CACNA2D3: variants seen among roughly 807,000 people sequenced by gnomAD.
CACNA2D3 encodes calcium voltage-gated channel auxiliary subunit alpha2delta 3, also known as voltage-dependent calcium channel subunit alpha-2/delta-3.
In CACNA2D3, 60 loss-of-function variants were observed where a neutral mutation model predicts 160.6. The observed-to-expected ratio is 0.37, with a 90% confidence interval of 0.30 to 0.46. The LOEUF (loss-of-function observed/expected upper bound fraction) is 0.46, where lower values mean the gene tolerates loss of function less well. CACNA2D3 is among the 20% of genes least tolerant of loss of function. The probability of loss-of-function intolerance (pLI) is 1.00; values close to 1 mark genes in which losing one functional copy is unlikely to be tolerated. For synonymous variants in CACNA2D3, 558 were observed against 492.9 expected (o/e 1.13, Z -1.75); for missense variants, 1,205 against 1,365.0 (o/e 0.88, Z 1.85).
At chr3:54,382,684 T>A (rs1699123046) in intron 3 of CACNA2D3, among the ~76,000 whole-genome samples, 1 of 152,178 alleles carries the variant, frequency 6.6e-6, no homozygotes, top group Non-Finnish European at 1.5e-5. Context: ...CTCAGGAGGC[T>A]GAGGCAGGAG....
chr3:54,495,866 T>C (rs1701194754), intron 4 of CACNA2D3, among the ~76,000 whole-genome samples: 1 of 152,244 alleles, frequency 6.6e-6, no homozygotes, highest in Non-Finnish European at 1.5e-5. Flanking sequence ...GCCATCACTA[T>C]TGAATAATAA....
rs188375155 is a variant in CACNA2D3 at position 54,922,666 on chromosome 3, A to C, written c.2449+22798A>C. 1.6e-4 allele frequency among the ~76,000 whole-genome samples: 25 copies of C among 152,234 alleles called. No homozygotes were observed. In the East Asian group the frequency reaches 4.8e-3, roughly 29 times the overall value. ...CATGCAGACACTGTTGACTTCCCTAATTCATGTCTGTAGCTCCAACATCTT... is the reference window on the plus strand; with the variant it reads ...CATGCAGACACTGTTGACTTCCCTACTTCATGTCTGTAGCTCCAACATCTT... On this transcript the variant is annotated intron_variant, in intron 27 of 37. Coordinates refer to ENST00000474759, the MANE Select transcript of CACNA2D3 (RefSeq NM_018398.3).
At chr3:54,930,001 G>T (rs1052499171) in intron 27 of CACNA2D3, among the ~76,000 whole-genome samples, 3 of 152,174 alleles carry the variant, frequency 2.0e-5, no homozygotes, top group Non-Finnish European at 2.9e-5. Flanking sequence ...GTGAAGGCCA[G>T]ATAGTAAACA....
At chr3:54,998,127 CTTTTT>C (rs752805359) in intron 31 of CACNA2D3, among the ~76,000 whole-genome samples, 1 of 126,980 alleles carries the variant, frequency 7.9e-6, no homozygotes, top group Admixed American at 8.4e-5. Context: ...TCAATTAATT[CTTTTT>C]TTTTTTTTTT....
chr3:54,301,815 T>C (rs1192390667), intron 2 of CACNA2D3, among the ~76,000 whole-genome samples: 1 of 152,156 alleles, frequency 6.6e-6, no homozygotes, highest in Non-Finnish European at 1.5e-5. Flanking sequence ...CCCTTGAAAC[T>C]ATGTTGATTT....
intron 4 of CACNA2D3, among the ~76,000 whole-genome samples, chr3:54,430,009 C>T (rs1245851746): frequency 6.6e-6 from 1 of 152,138 alleles, no homozygotes; most frequent in Non-Finnish European, 1.5e-5. Context: ...TAAATGTGTA[C>T]TTGACTATAT....
At chr3:54,945,424 G>GT in intron 27 of CACNA2D3, among the ~76,000 whole-genome samples, 1 of 152,270 alleles carries the variant, frequency 6.6e-6, no homozygotes, top group East Asian at 1.9e-4. Flanking sequence ...TCTCTCTCCT[G>GT]TATCCAGCCC....
At chr3:54,809,992 T>A (rs1703257265) in intron 13 of CACNA2D3, among the ~76,000 whole-genome samples, 1 of 152,144 alleles carries the variant, frequency 6.6e-6, no homozygotes. Flanking sequence ...AACAAGATGA[T>A]ATTATAGAAA....
intron 2 of CACNA2D3, among the ~76,000 whole-genome samples, chr3:54,314,345 C>T (rs1000525824): frequency 4.6e-5 from 7 of 152,162 alleles, no homozygotes; most frequent in East Asian, 1.9e-4. Flanking sequence ...TTTCCGATAG[C>T]GAATTGTGCC....
chr3:54,161,787 T>C (rs1350845748), intron 2 of CACNA2D3, among the ~76,000 whole-genome samples: 1 of 152,198 alleles, frequency 6.6e-6, no homozygotes. Context: ...CTTTAGGAAA[T>C]ACAGCAGAAG....
chr3:54,443,627 G>A (rs932859564), intron 4 of CACNA2D3, among the ~76,000 whole-genome samples: 2 of 152,126 alleles, frequency 1.3e-5, no homozygotes, highest in African/African-American at 4.8e-5. Context: ...ATCCTTGGCC[G>A]ACGACCCTGG....
chr3:55,004,853 G>A lies in CACNA2D3; in HGVS notation c.2766+15G>A. On this transcript the variant is annotated intron_variant, in intron 32 of 37. Coordinates refer to ENST00000474759, the MANE Select transcript of CACNA2D3 (RefSeq NM_018398.3). ...GCCTCCTGGATGTAAGTACTATGCTGTCACTCAGAAAACAGCCACACATTT... is the reference window on the plus strand; with the variant it reads ...GCCTCCTGGATGTAAGTACTATGCTATCACTCAGAAAACAGCCACACATTT... The A allele has an allele frequency of 6.3e-7, 1 of 1,593,966 alleles. No homozygotes were observed. The highest frequency in any genetic ancestry group is 8.6e-7 in the Non-Finnish European group (1 of 1,162,480).
At chr3:54,796,535 G>A (rs1702869900) in intron 13 of CACNA2D3, among the ~76,000 whole-genome samples, 1 of 152,154 alleles carries the variant, frequency 6.6e-6, no homozygotes, top group Admixed American at 6.5e-5. Flanking sequence ...AATGGGCCAA[G>A]GTAAAAACAA....
At chr3:54,717,892 T>C (rs1166721122) in intron 11 of CACNA2D3, among the ~76,000 whole-genome samples, 2 of 151,664 alleles carry the variant, frequency 1.3e-5, no homozygotes, top group Non-Finnish European at 2.9e-5. Flanking sequence ...TGTGTGCGTG[T>C]GTGTGTTCTG....
At chr3:54,761,278 G>T (rs1371707667) in intron 12 of CACNA2D3, among the ~76,000 whole-genome samples, 1 of 152,108 alleles carries the variant, frequency 6.6e-6, no homozygotes, top group Non-Finnish European at 1.5e-5. Flanking sequence ...GTTTGACACT[G>T]CAAAGCACTC....
chr3:54,853,820 T>G (rs1173372270), intron 17 of CACNA2D3, among the ~76,000 whole-genome samples: 1 of 151,990 alleles, frequency 6.6e-6, no homozygotes, highest in Non-Finnish European at 1.5e-5. Context: ...AGGCCTGACT[T>G]CTCTGTCTCA....
intron 11 of CACNA2D3, among the ~76,000 whole-genome samples, chr3:54,706,792 CTG>C (rs1700864102): frequency 6.6e-6 from 1 of 152,216 alleles, no homozygotes; most frequent in Non-Finnish European, 1.5e-5. Context: ...TTTGCACTGA[CTG>C]TGCCAGAATC....
intron 9 of CACNA2D3, among the ~76,000 whole-genome samples, chr3:54,604,655 AC>A (rs1186442540): frequency 6.6e-6 from 1 of 152,026 alleles, no homozygotes; most frequent in African/African-American, 2.4e-5. Flanking sequence ...GCCACGCTTT[AC>A]CCACTCCACT....
intron 5 of CACNA2D3, among the ~76,000 whole-genome samples, chr3:54,510,356 C>A (rs1464507519): frequency 6.6e-6 from 1 of 152,110 alleles, no homozygotes; most frequent in Non-Finnish European, 1.5e-5. Context: ...TTGACAATGA[C>A]CCCATGTGTT....
Sources: allele counts gnomAD v4.1 joint callset (sites outside exome capture counted in the v4.1 genomes callset), GRCh38; gene constraint gnomAD v4.1.1; transcripts MANE v1.5; gene names NCBI Gene and HGNC (gene_info 2026-07-23, HGNC 2026-07-21).